Variants in MTM1 observed in about 807,000 individuals in gnomAD.
MTM1 encodes the protein myotubularin.
A neutral mutation model predicts 52.1 loss-of-function variants in MTM1; 9 were observed. The observed-to-expected ratio is 0.17, with a 90% CI of 0.10 to 0.30. The LOEUF is 0.30. Among genes scored for constraint, MTM1 ranks in the 10% least tolerant of loss-of-function variants. The pLI is 1.00. For synonymous variants in MTM1, 136 were observed against 163.8 expected (o/e 0.83, Z 1.29); for missense variants, 277 against 470.7 (o/e 0.59, Z 3.81).
At chrX:150,575,461 G>A (rs782004806) in intron 1 of MTM1, among the ~76,000 whole-genome samples, 1 of 112,400 alleles carries the variant, frequency 8.9e-6, no homozygotes, top group Non-Finnish European at 1.9e-5. Context: ...CCTGGACTTC[G>A]AGTTGAAACA....
At chrX:150,645,954 G>GA (rs1471403542) in intron 9 of MTM1, 83 bp downstream of exon 9, 1 of 898,113 alleles carries the variant, frequency 1.1e-6, no homozygotes, top group Non-Finnish European at 1.6e-6. Flanking sequence ...CCATGATATA[G>GA]AAACACGTGG....
upstream of MTM1, among the ~76,000 whole-genome samples, chrX:150,567,562 T>A (rs2038279028): frequency 8.9e-6 from 1 of 111,857 alleles, no homozygotes; most frequent in Non-Finnish European, 1.9e-5. Flanking sequence ...TTTCTTTTTT[T>A]AATTTTTTTG....
At position 150,592,277 on chromosome X, in the gene MTM1, A is replaced by G. The variant is rs2138413; in HGVS notation, c.-10-328A>G. Among the ~76,000 whole-genome samples, 30,686 of 110,945 alleles carry G rather than the reference A, an allele frequency of 0.28. 3,365 individuals carry two copies. The highest frequency in any genetic ancestry group is 0.51 in the South Asian group (1,358 of 2,645). On this transcript the variant is annotated intron_variant, in intron 1 of 14. Transcript: ENST00000370396. ...TTGAGGCCTGTTGCACAATTAATAA[A>G]CATTAAGTTTTTTTAGATGGCAATT...
In MTM1 at chrX:150,641,528, T is replaced by A. The variant is rs782046962; in HGVS notation, c.678+110T>A. ...TTTGGAATTCTATCCCAAAAAATAC[T>A]TACTAAGTGCTTTGTGAGTACAAAG... On this transcript the variant is annotated intron_variant, in intron 8 of 14. Transcript: ENST00000370396. 6.5e-5 allele frequency: 61 copies of A among 939,600 alleles called. No homozygotes were observed. The African/African-American group carries it at 1.1e-3, about 17-fold the overall frequency. 77.4% of individuals were successfully genotyped at this position (939,600 alleles called of 1,213,427 possible).
In MTM1 at chrX:150,646,020, A is replaced by T. The variant is rs1212007756; in HGVS notation, c.867+149A>T. ...TCTTAGACAGAAAGTAGTTTTAATC[A>T]CAAAACTTAAACAAAATTGAATATA... On this transcript the variant is annotated intron_variant, in intron 9 of 14. Transcript: ENST00000370396. The T allele has an allele frequency of 7.5e-6, 4 of 533,602 alleles. No individual in the cohort carries two copies. In the African/African-American group the frequency reaches 9.4e-5, roughly 13 times the overall value. The allele number at this position is 533,602 out of a possible 1,213,427, so 44.0% of individuals were successfully genotyped here. A position where few individuals can be genotyped will look rare whatever the true frequency, so the allele number is the denominator to read the frequency against.
chrX:150,640,346 CT>C (rs1309195197), intron 7 of MTM1, among the ~76,000 whole-genome samples: 14 of 111,586 alleles, frequency 1.3e-4, no homozygotes, highest in African/African-American at 4.6e-4. Flanking sequence ...TATATTCAAT[CT>C]TTTTTTCTTA....
chrX:150,662,043 C>G (rs782170941), intron 13 of MTM1, among the ~76,000 whole-genome samples: 6 of 111,613 alleles, frequency 5.4e-5, no homozygotes, highest in Non-Finnish European at 1.1e-4. Context: ...TAAATATATA[C>G]AGTTTTTATT....
intron 4 of MTM1, among the ~76,000 whole-genome samples, chrX:150,600,930 G>A (rs1403218153): frequency 1.8e-5 from 2 of 111,643 alleles, no homozygotes; most frequent in Non-Finnish European, 3.8e-5. Context: ...GGTTGTGTAT[G>A]TAGTGTGACC....
chrX:150,672,946 G>T lies in MTM1; in HGVS notation c.*1351G>T, dbSNP rs1368967477. The T allele has an allele frequency of 1.8e-5, 2 of 112,190 alleles. No homozygotes were observed. The highest frequency in any genetic ancestry group is 2.8e-4 in the East Asian group (1 of 3,635). The allele number at this position is 112,190 out of a possible 1,213,427, so 9.2% of individuals were successfully genotyped here. On this transcript the variant is annotated 3_prime_UTR_variant, in exon 15 of 15. Transcript: ENST00000370396. ...TACAGTAGTATAATGTATGAATTTT[G>T]TAAGTATAAGAAATTTTATTAGACA...
chrX:150,581,065 C>G (rs2038574266), intron 1 of MTM1, among the ~76,000 whole-genome samples: 1 of 111,709 alleles, frequency 9.0e-6, no homozygotes, highest in Admixed American at 9.5e-5. Flanking sequence ...AAAAAAATAT[C>G]CTCGCACCTT....
At chrX:150,594,492 A>G (rs1459583393) in intron 2 of MTM1, among the ~76,000 whole-genome samples, 7 of 112,037 alleles carry the variant, frequency 6.2e-5, no homozygotes, top group Non-Finnish European at 1.1e-4. Flanking sequence ...AATTGTATTT[A>G]TGGTATTTTG....
chrX:150,640,295 C>T (rs1780749044), intron 7 of MTM1, among the ~76,000 whole-genome samples: 1 of 111,770 alleles, frequency 8.9e-6, no homozygotes, highest in Admixed American at 9.5e-5. Flanking sequence ...AGATTGCATG[C>T]ATATATGAAC....
At chrX:150,654,938 T>TA (rs1339724861) in intron 10 of MTM1, among the ~76,000 whole-genome samples, 25 of 112,291 alleles carry the variant, frequency 2.2e-4, no homozygotes, top group Admixed American at 1.3e-3. Flanking sequence ...AAATTGTTGA[T>TA]ACGCATGTGA....
intron 1 of MTM1, among the ~76,000 whole-genome samples, chrX:150,590,407 A>T (rs1264725669): frequency 8.9e-6 from 1 of 111,969 alleles, no homozygotes; most frequent in Non-Finnish European, 1.9e-5. Flanking sequence ...GGGCAAATTT[A>T]TAGGGATAGC....
intron 5 of MTM1, among the ~76,000 whole-genome samples, chrX:150,615,982 A>G (rs943081336): frequency 7.2e-5 from 8 of 111,380 alleles, no homozygotes; most frequent in Non-Finnish European, 1.3e-4. Flanking sequence ...AAAAGGATTT[A>G]TGGGAGTAGA....
In MTM1 at chrX:150,614,831, C is replaced by T. The variant is rs782386258; in HGVS notation, c.342+132C>T. On this transcript the variant is annotated intron_variant, in intron 5 of 14. Coordinates refer to ENST00000370396, the MANE Select transcript of MTM1 (RefSeq NM_000252.3). ...ATCTAAGGCCCTGGAAATGGTTCTT[C>T]CCTTAAGAACAAGCTTTTCAAAAGT... The T allele has an allele frequency of 1.0e-3, 454 of 451,292 alleles. 2 individuals are homozygous for T. In the South Asian group the frequency reaches 0.014, roughly 14 times the overall value. The allele number at this position is 451,292 out of a possible 1,213,427, so 37.2% of individuals were successfully genotyped here. A position where few individuals can be genotyped will look rare whatever the true frequency, so the allele number is the denominator to read the frequency against.
At chrX:150,592,132 CA>C (rs2038895707) in intron 1 of MTM1, among the ~76,000 whole-genome samples, 1 of 112,053 alleles carries the variant, frequency 8.9e-6, no homozygotes, top group African/African-American at 3.2e-5. Context: ...TCTAAACTGC[CA>C]TCATTTGGAG....
chrX:150,570,831 G>A (rs1478995957), intron 1 of MTM1, among the ~76,000 whole-genome samples: 1 of 112,203 alleles, frequency 8.9e-6, no homozygotes, highest in African/African-American at 3.2e-5. Context: ...AGGAACAAGA[G>A]TGCTCGCTAA....
chrX:150,641,546 G>A (rs1303288887), intron 8 of MTM1, 128 bp downstream of exon 8: 1 of 787,391 alleles, frequency 1.3e-6, no homozygotes, highest in East Asian at 3.2e-5. Flanking sequence ...TGCTTTGTGA[G>A]TACAAAGTAC....
Sources: allele counts gnomAD v4.1 joint callset (sites outside exome capture counted in the v4.1 genomes callset), GRCh38; gene constraint gnomAD v4.1.1; transcripts MANE v1.5; gene names NCBI Gene and HGNC (gene_info 2026-07-23, HGNC 2026-07-21).